Variants in NDC1 observed in about 807,000 individuals in gnomAD.
NDC1 encodes the protein NDC1 transmembrane nucleoporin, also known as nucleoporin NDC1.
NDC1 carries 24 observed loss-of-function variants against 89.8 expected under a neutral mutation model. The ratio of observed to expected loss-of-function variants is 0.27; its 90% CI spans 0.19 to 0.38. NDC1 has a LOEUF of 0.38. Among genes scored for constraint, NDC1 ranks in the 10% least tolerant of loss-of-function variants. The probability of loss-of-function intolerance (pLI) is 1.00; values close to 1 mark genes in which losing one functional copy is unlikely to be tolerated. For missense variants in NDC1, 728 were observed against 797.6 expected, an observed-to-expected ratio of 0.91 and a Z score of 1.05; for synonymous variants, 296 against 284.8, an observed-to-expected ratio of 1.04 and a Z score of -0.39.
At chr1:53,774,059 A>G (rs1391686320) in intron 16 of NDC1, among the ~76,000 whole-genome samples, 3 of 152,192 alleles carry the variant, frequency 2.0e-5, no homozygotes, top group African/African-American at 7.2e-5. Flanking sequence ...GATCTCAACC[A>G]TCTGCTTTCC....
intron 1 of NDC1, among the ~76,000 whole-genome samples, chr1:53,836,754 G>C (rs1002831179): frequency 1.3e-5 from 2 of 151,678 alleles, no homozygotes; most frequent in South Asian, 2.1e-4. Context: ...ACAGGCGTGA[G>C]CCACAGCGCC....
intron 14 of NDC1, among the ~76,000 whole-genome samples, chr1:53,790,103 G>A (rs376718286): frequency 2.7e-3 from 407 of 152,002 alleles, no homozygotes; most frequent in Non-Finnish European, 4.4e-3. Flanking sequence ...GGTGGCTCAC[G>A]CATGTAATCC....
intron 16 of NDC1, among the ~76,000 whole-genome samples, chr1:53,781,763 T>A (rs1647210102): frequency 6.6e-6 from 1 of 152,170 alleles, no homozygotes; most frequent in Admixed American, 6.5e-5. Flanking sequence ...CAAAAATATA[T>A]AACAGGGATC....
At chr1:53,802,254 C>G (rs1647945527) in intron 10 of NDC1, among the ~76,000 whole-genome samples, 1 of 152,144 alleles carries the variant, frequency 6.6e-6, no homozygotes, top group Non-Finnish European at 1.5e-5. Flanking sequence ...CAGTCAATTA[C>G]ATTTTTATAT....
chr1:53,795,869 C>T (rs903722215), intron 13 of NDC1, among the ~76,000 whole-genome samples: 1 of 152,202 alleles, frequency 6.6e-6, no homozygotes, highest in Non-Finnish European at 1.5e-5. Flanking sequence ...CGGTGACTTT[C>T]CATCCCACTC....
Position 53,766,264 on chromosome 1 carries a change from C to G in NDC1, c.*1706G>C, listed in dbSNP as rs1384307898. On this transcript the variant is annotated 3_prime_UTR_variant, in exon 18 of 18. Transcript: ENST00000371429. The stretch of plus-strand genomic sequence containing the variant: ...CTCAGAAATCCAATGTTGAATATCA[C>G]AGTTCTTCTTTAATGGAAGCAGAAG... 1 of 152,160 alleles carries G rather than the reference C, an allele frequency of 6.6e-6. No homozygotes were observed. The highest frequency in any genetic ancestry group is 1.5e-5 in the Non-Finnish European group (1 of 68,024). 9.4% of individuals were successfully genotyped at this position (152,160 alleles called of 1,614,324 possible). A position where few individuals can be genotyped will look rare whatever the true frequency, so the allele number is the denominator to read the frequency against.
chr1:53,793,168 C>T lies in NDC1; in HGVS notation c.1635+61G>A. The T allele has an allele frequency of 5.1e-6, 7 of 1,381,278 alleles. No homozygotes were observed. The South Asian group carries it at 8.2e-5, about 16-fold the overall frequency. The allele number at this position is 1,381,278 out of a possible 1,614,324, so 85.6% of individuals were successfully genotyped here. A position where few individuals can be genotyped will look rare whatever the true frequency, so the allele number is the denominator to read the frequency against. On this transcript the variant is annotated intron_variant, in intron 14 of 17. Transcript: ENST00000371429. ...TTTACAAGTCAGATCCTATCTGCTA[C>T]TTTATTTCATATTTCATTTCCTCCC...
At chr1:53,809,654 T>C in intron 7 of NDC1, 41 bp downstream of exon 7, 3 of 1,405,160 alleles carry the variant, frequency 2.1e-6, no homozygotes, top group Non-Finnish European at 3.0e-6. Flanking sequence ...TCTAAAAGAA[T>C]GGAAACAGAG....
At chr1:53,807,548 C>A in intron 8 of NDC1, 108 bp downstream of exon 8, 3 of 851,578 alleles carry the variant, frequency 3.5e-6, no homozygotes, top group Non-Finnish European at 5.2e-6. Flanking sequence ...GACCAAAAAC[C>A]AGCTTACGGA....
Position 53,825,881 on chromosome 1 carries a change from G to A in NDC1, c.511C>T (p.Leu171=). 1.2e-6 allele frequency: 2 copies of A among 1,610,718 alleles called. No homozygotes were observed. The highest frequency in any genetic ancestry group is 1.7e-6 in the Non-Finnish European group (2 of 1,178,912). The change falls in exon 5 of 18, where the codon CTG becomes TTG. Residue 171 remains leucine (L), a synonymous_variant. Coordinates refer to ENST00000371429, the MANE Select transcript of NDC1 (RefSeq NM_018087.5). The stretch of plus-strand genomic sequence containing the variant: ...CTATAGCCCATAAATGCTCCAGTCA[G>A]TAGGAAAAAAAGATGATATTCATTT... ...CLNEYHLFFL[L]TGAFMGYSYS... is the part of the protein sequence containing the mutation.
chr1:53,827,842 T>C lies in NDC1; in HGVS notation c.455+157A>G, dbSNP rs548647435. ...TAATAAATTTTTTTAATTGCTGAAA[T>C]CAATAAACACAAAATATTAAAAACA... On this transcript the variant is annotated intron_variant, in intron 4 of 17. Coordinates refer to ENST00000371429, the MANE Select transcript of NDC1 (RefSeq NM_018087.5). 2.0e-5 allele frequency among the ~76,000 whole-genome samples: 3 copies of C among 152,260 alleles called. No homozygotes were observed. In the South Asian group the frequency reaches 6.2e-4, roughly 32 times the overall value.
chr1:53,796,580 T>TAAA (rs57490546), intron 13 of NDC1, 109 bp downstream of exon 13: 29 of 431,290 alleles, frequency 6.7e-5, no homozygotes, highest in Middle Eastern at 6.1e-4. Context: ...ACACGAAGCA[T>TAAA]AAAAAAAAAA....
At chr1:53,799,499 AT>A (rs774535033) in intron 11 of NDC1, among the ~76,000 whole-genome samples, 3 of 152,206 alleles carry the variant, frequency 2.0e-5, no homozygotes, top group Non-Finnish European at 4.4e-5. Flanking sequence ...CAGAGTACTG[AT>A]TTTGAAACTA....
intron 2 of NDC1, among the ~76,000 whole-genome samples, chr1:53,834,197 T>TA (rs1474422748): frequency 2.6e-5 from 4 of 152,248 alleles, no homozygotes; most frequent in African/African-American, 9.6e-5. Context: ...TGATGAGGAT[T>TA]AAAAAACCTC....
intron 16 of NDC1, among the ~76,000 whole-genome samples, chr1:53,785,686 C>T (rs1176908928): frequency 2.0e-5 from 3 of 152,054 alleles, no homozygotes; most frequent in African/African-American, 4.8e-5. Flanking sequence ...GGTTCTCCCC[C>T]GTCAGCCTCA....
chr1:53,825,478 A>T (rs1648824021), intron 5 of NDC1, among the ~76,000 whole-genome samples: 1 of 150,210 alleles, frequency 6.7e-6, no homozygotes, highest in Non-Finnish European at 1.5e-5. Context: ...TACACAGAGT[A>T]CTTTGCATGA....
chr1:53,837,586 A>G (rs1649278209), intron 1 of NDC1, among the ~76,000 whole-genome samples: 1 of 151,938 alleles, frequency 6.6e-6, no homozygotes, highest in Admixed American at 6.6e-5. Context: ...AAAAAAAAAG[A>G]TAAGACTTAC....
intron 7 of NDC1, among the ~76,000 whole-genome samples, chr1:53,809,267 T>C (rs571797387): frequency 6.6e-6 from 1 of 152,366 alleles, no homozygotes; most frequent in African/African-American, 2.4e-5. Flanking sequence ...AAAAGCTGCA[T>C]CTAAGAACAA....
chr1:53,817,799 A>G (rs1648529406), intron 6 of NDC1, among the ~76,000 whole-genome samples: 1 of 152,204 alleles, frequency 6.6e-6, no homozygotes, highest in African/African-American at 2.4e-5. Context: ...ATATATCCAT[A>G]GAAAATATAG....
Sources: gnomAD v4.1 joint callset for allele counts (sites outside exome capture counted in the v4.1 genomes callset) on GRCh38, gnomAD v4.1.1 for gene constraint, MANE v1.5 for transcripts, NCBI Gene and HGNC (gene_info 2026-07-23, HGNC 2026-07-21) for gene names.